The following MBNL3 variants were observed in gnomAD, a reference collection of about 807,000 sequenced individuals.
MBNL3 encodes muscleblind like splicing regulator 3.
A neutral mutation model predicts 24.5 loss-of-function variants in MBNL3; 6 were observed. The observed-to-expected ratio is 0.25, with a 90% CI of 0.13 to 0.48. MBNL3 has a LOEUF of 0.48. Among genes scored for constraint, MBNL3 ranks in the 20% least tolerant of loss-of-function variants. The probability of loss-of-function intolerance (pLI) is 0.99; values close to 1 mark genes in which losing one functional copy is unlikely to be tolerated. For missense variants in MBNL3, 230 were observed against 293.5 expected, an observed-to-expected ratio of 0.78 and a Z score of 1.58; for synonymous variants, 100 against 101.7, an observed-to-expected ratio of 0.98 and a Z score of 0.10.
At chrX:132,403,176 T>C (rs1357499354) in intron 3 of MBNL3, among the ~76,000 whole-genome samples, 1 of 110,983 alleles carries the variant, frequency 9.0e-6, no homozygotes, top group African/African-American at 3.3e-5. Flanking sequence ...AATAAAGAAA[T>C]TTTTTTTCCA....
At position 132,376,670 on chromosome X, in the gene MBNL3, G is replaced by GA. The variant is rs764518835; in HGVS notation, c.*2995dup. On this transcript the variant is annotated 3_prime_UTR_variant, in exon 9 of 9. Coordinates refer to ENST00000370853, the MANE Select transcript of MBNL3 (RefSeq NM_001386889.1). Reference sequence around the variant, plus strand: ...CAGTAAATTTTTGTTTAGAGTCACTGATTAGTTTTGTGACTTGTCTTTTTA... The same window carrying GA: ...CAGTAAATTTTTGTTTAGAGTCACTGAATTAGTTTTGTGACTTGTCTTTTTA... The GA allele has an allele frequency of 1.8e-5, 2 of 111,689 alleles. No individual in the cohort carries two copies. Among genetic ancestry groups the GA allele is most frequent in the South Asian group, 7.5e-4 (2 of 2,675 alleles). 9.2% of individuals were successfully genotyped at this position (111,689 alleles called of 1,213,427 possible).
At chrX:132,460,409 A>C (rs977951033) in intron 1 of MBNL3, among the ~76,000 whole-genome samples, 1 of 111,709 alleles carries the variant, frequency 9.0e-6, no homozygotes, top group Non-Finnish European at 1.9e-5. Flanking sequence ...GAAGGCCTTG[A>C]TCATCATTCT....
In MBNL3 at chrX:132,422,127, A is replaced by G. The variant is rs12863537; in HGVS notation, c.178-15735T>C. ...TAAATGTGAAATGTCTGAATATACT[A>G]TGTGTGTGTGTGTGTGTGTGTGTGT... On this transcript the variant is annotated intron_variant, in intron 2 of 8. Transcript: ENST00000370853. Among the ~76,000 whole-genome samples, 931 of 101,963 alleles carry G rather than the reference A, an allele frequency of 9.1e-3. 7 individuals carry two copies. The highest frequency in any genetic ancestry group is 0.012 in the Non-Finnish European group (573 of 49,223). 88.5% of individuals were successfully genotyped at this position (101,963 alleles called of 115,157 possible). A position where few individuals can be genotyped will look rare whatever the true frequency, so the allele number is the denominator to read the frequency against.
chrX:132,485,964 TTGA>T (rs1331172964), intron 1 of MBNL3, among the ~76,000 whole-genome samples: 1 of 112,310 alleles, frequency 8.9e-6, no homozygotes, highest in Non-Finnish European at 1.9e-5. Context: ...TGGAAGAACC[TTGA>T]TGAAGTAAAG....
At chrX:132,468,773 T>C (rs925781909) in intron 1 of MBNL3, among the ~76,000 whole-genome samples, 10 of 111,886 alleles carry the variant, frequency 8.9e-5, no homozygotes, top group African/African-American at 2.9e-4. Context: ...CAATCACCAC[T>C]CTGTACTGCC....
intron 1 of MBNL3, among the ~76,000 whole-genome samples, chrX:132,450,197 G>C (rs1250203657): frequency 1.8e-5 from 2 of 111,193 alleles, no homozygotes; most frequent in Non-Finnish European, 3.8e-5. Flanking sequence ...TCCTGAATTT[G>C]AATGTTGGCC....
In MBNL3 at chrX:132,375,896, C is replaced by T. The variant is rs1328449172; in HGVS notation, c.*3770G>A. 1.8e-5 allele frequency: 2 copies of T among 112,012 alleles called. No individual in the cohort carries two copies. The highest frequency in any genetic ancestry group is 3.8e-5 in the Non-Finnish European group (2 of 53,059). 9.2% of individuals were successfully genotyped at this position (112,012 alleles called of 1,213,427 possible). On this transcript the variant is annotated 3_prime_UTR_variant, in exon 9 of 9. Coordinates refer to ENST00000370853, the MANE Select transcript of MBNL3 (RefSeq NM_001386889.1). ...ATGAGGGGGACAAAGAACCAAATAA[C>T]ATTTCAAGTAGCACATTAACTTTCT...
chrX:132,400,681 C>T (rs1326739303), intron 3 of MBNL3, among the ~76,000 whole-genome samples: 1 of 111,856 alleles, frequency 8.9e-6, no homozygotes, highest in Non-Finnish European at 1.9e-5. Context: ...AGGGTAAGTA[C>T]ACCTTAAAAA....
intron 1 of MBNL3, among the ~76,000 whole-genome samples, chrX:132,458,277 T>A (rs1173795746): frequency 3.7e-5 from 4 of 109,269 alleles, no homozygotes; most frequent in Non-Finnish European, 5.7e-5. Flanking sequence ...TGATATGATT[T>A]TAGGAATCCT....
Position 132,392,409 on chromosome X carries a change from C to T in MBNL3, c.343-75G>A, listed in dbSNP as rs72614188. ...GTCATTACACAAAGAGGTATTCTTTCAGAAACATCAAAATTACTTATGCCA... is the reference window on the plus strand; with the variant it reads ...GTCATTACACAAAGAGGTATTCTTTTAGAAACATCAAAATTACTTATGCCA... On this transcript the variant is annotated intron_variant, in intron 3 of 8. Transcript: ENST00000370853. The T allele has an allele frequency of 4.2e-3, 3,417 of 814,756 alleles. 98 individuals carry two copies. The East Asian group carries it at 0.092, about 22-fold the overall frequency. The allele number at this position is 814,756 out of a possible 1,213,427, so 67.1% of individuals were successfully genotyped here.
chrX:132,391,618 T>C (rs1937185829), intron 4 of MBNL3, among the ~76,000 whole-genome samples: 1 of 112,584 alleles, frequency 8.9e-6, no homozygotes, highest in Non-Finnish European at 1.9e-5. Context: ...AGGACTTCAA[T>C]AAATCAAAAA....
chrX:132,437,803 A>T, intron 2 of MBNL3: 1 of 245,041 alleles, frequency 4.1e-6, no homozygotes, highest in Non-Finnish European at 5.8e-6. Flanking sequence ...GATGAAACTT[A>T]AATGAAACCA....
chrX:132,402,155 A>G (rs1339100724), intron 3 of MBNL3, among the ~76,000 whole-genome samples: 1 of 111,673 alleles, frequency 9.0e-6, no homozygotes, highest in Non-Finnish European at 1.9e-5. Context: ...TGCTGAATCA[A>G]CAATCTCTAT....
intron 2 of MBNL3, among the ~76,000 whole-genome samples, chrX:132,422,648 A>G (rs1178437350): frequency 8.9e-6 from 1 of 112,184 alleles, no homozygotes; most frequent in Non-Finnish European, 1.9e-5. Context: ...ATATCAAGAA[A>G]GGGCCGTTTG....
intron 2 of MBNL3, among the ~76,000 whole-genome samples, chrX:132,437,280 A>G (rs1044231969): frequency 9.0e-6 from 1 of 111,538 alleles, no homozygotes; most frequent in South Asian, 3.8e-4. Flanking sequence ...CCATAAAAAC[A>G]GTTATACTTA....
chrX:132,469,667 TATATC>T (rs778081792), intron 1 of MBNL3, among the ~76,000 whole-genome samples: 2 of 112,476 alleles, frequency 1.8e-5, no homozygotes, highest in Non-Finnish European at 3.8e-5. Flanking sequence ...TAATATAACA[TATATC>T]ATATCTAAGT....
intron 2 of MBNL3, among the ~76,000 whole-genome samples, chrX:132,418,381 T>C (rs148622851): frequency 2.1e-4 from 24 of 111,834 alleles, no homozygotes; most frequent in African/African-American, 7.5e-4. Flanking sequence ...ATCTTCACAA[T>C]TGAGGAAACG....
intron 2 of MBNL3, among the ~76,000 whole-genome samples, chrX:132,435,417 T>C (rs1349523466): frequency 2.7e-5 from 3 of 111,601 alleles, no homozygotes; most frequent in African/African-American, 9.8e-5. Flanking sequence ...TCTTGCATAA[T>C]CCAGTGACCC....
At chrX:132,475,804 A>G (rs989789212) in intron 1 of MBNL3, among the ~76,000 whole-genome samples, 15 of 111,685 alleles carry the variant, frequency 1.3e-4, no homozygotes, top group Non-Finnish European at 2.8e-4. Context: ...CCCAAGTGCC[A>G]CAAGAGCCAA....
Sources: allele counts gnomAD v4.1 joint callset (sites outside exome capture counted in the v4.1 genomes callset), GRCh38; gene constraint gnomAD v4.1.1; transcripts MANE v1.5; gene names NCBI Gene and HGNC (gene_info 2026-07-23, HGNC 2026-07-21).